Variants in PRKN observed in about 807,000 individuals in gnomAD.
PRKN encodes the protein parkin RBR E3 ubiquitin protein ligase.
A neutral mutation model predicts 59.5 loss-of-function variants in PRKN; 56 were observed. That is an observed-to-expected ratio of 0.94 (90% CI 0.76 to 1.18). The LOEUF is 1.18. Ranked by LOEUF, PRKN falls within the 50% of genes most tolerant of loss-of-function variation. The pLI is 0.00. For missense variants in PRKN, 657 were observed against 596.4 expected (o/e 1.10, Z -1.06); for synonymous variants, 250 against 222.1 (o/e 1.13, Z -1.12).
intron 5 of PRKN, among the ~76,000 whole-genome samples, chr6:162,027,306 G>C (rs5002522): frequency 0.16 from 24,940 of 151,902 alleles, 2,105 homozygotes; most frequent in South Asian, 0.26. Context: ...TATTAATCTT[G>C]ACATGTTTCA....
intron 1 of PRKN, among the ~76,000 whole-genome samples, chr6:162,692,570 AC>A (rs66507325): frequency 6.7e-6 from 1 of 150,110 alleles, no homozygotes; most frequent in Non-Finnish European, 1.5e-5. Flanking sequence ...TACAAGACAG[AC>A]CCCCCCCAAC....
intron 4 of PRKN, among the ~76,000 whole-genome samples, chr6:162,144,645 AG>A (rs1259532986): frequency 6.6e-6 from 1 of 152,172 alleles, no homozygotes. Flanking sequence ...ACCACTGCAG[AG>A]GGGGCATAAT....
chr6:162,176,710 A>C (rs2128321498), intron 4 of PRKN, among the ~76,000 whole-genome samples: 1 of 152,266 alleles, frequency 6.6e-6, no homozygotes, highest in South Asian at 2.1e-4. Flanking sequence ...TAAATAAAAA[A>C]CAGCAGACAG....
intron 1 of PRKN, among the ~76,000 whole-genome samples, chr6:162,511,768 C>G (rs1483740167): frequency 6.6e-6 from 1 of 152,074 alleles, no homozygotes; most frequent in Non-Finnish European, 1.5e-5. Context: ...GTCTAACCAG[C>G]CCCCCATGAT....
chr6:161,644,467 G>C (rs898375643), intron 7 of PRKN, among the ~76,000 whole-genome samples: 1 of 152,226 alleles, frequency 6.6e-6, no homozygotes, highest in Non-Finnish European at 1.5e-5. Flanking sequence ...CTCCCTGGAA[G>C]AGGTGGTAGA....
intron 4 of PRKN, among the ~76,000 whole-genome samples, chr6:162,123,168 G>T (rs922574530): frequency 6.6e-6 from 1 of 152,068 alleles, no homozygotes; most frequent in Non-Finnish European, 1.5e-5. Flanking sequence ...GGAGAGAAAT[G>T]GATCTCATTT....
At position 162,612,955 on chromosome 6, in the gene PRKN, A is replaced by C. The variant is rs112865452; in HGVS notation, c.7+114707T>G. ...TAACCCCTTGGAAGTAAAATGTTTA[A>C]AATTTCCACTAACCCTGAAATTTTG... On this transcript the variant is annotated intron_variant, in intron 1 of 11. Transcript: ENST00000366898. Among the ~76,000 whole-genome samples the C allele has an allele frequency of 2.4e-3, 367 of 152,316 alleles. 2 individuals are homozygous for C. The highest frequency in any genetic ancestry group is 3.1e-3 in the Non-Finnish European group (213 of 68,030).
intron 1 of PRKN, among the ~76,000 whole-genome samples, chr6:162,449,748 A>G (rs1247500775): frequency 6.6e-6 from 1 of 152,208 alleles, no homozygotes; most frequent in Non-Finnish European, 1.5e-5. Context: ...CATAGAGGCC[A>G]GGATTTTTGC....
At chr6:162,513,430 C>A (rs1237201460) in intron 1 of PRKN, among the ~76,000 whole-genome samples, 1 of 151,136 alleles carries the variant, frequency 6.6e-6, no homozygotes, top group Non-Finnish European at 1.5e-5. Flanking sequence ...AGTGAGCTAA[C>A]ACCACTGCAC....
chr6:162,248,517 C>T (rs1409043058), intron 3 of PRKN, among the ~76,000 whole-genome samples: 1 of 152,118 alleles, frequency 6.6e-6, no homozygotes, highest in East Asian at 1.9e-4. Context: ...TGTTTCCAGA[C>T]TTCTCAGAAA....
intron 2 of PRKN, among the ~76,000 whole-genome samples, chr6:162,412,141 C>A (rs1478398249): frequency 6.6e-6 from 1 of 152,024 alleles, no homozygotes; most frequent in Non-Finnish European, 1.5e-5. Context: ...AACACCATAG[C>A]ACTGCTACAA....
chr6:161,662,858 C>T (rs1784596356), intron 7 of PRKN, among the ~76,000 whole-genome samples: 2 of 152,110 alleles, frequency 1.3e-5, no homozygotes, highest in Non-Finnish European at 1.5e-5. Context: ...AACATTCATA[C>T]CTAGTGGGAT....
intron 7 of PRKN, chr6:161,783,551 A>T (rs1404039734): frequency 2.1e-6 from 1 of 467,056 alleles, no homozygotes; most frequent in Non-Finnish European, 4.0e-6. Flanking sequence ...CGTCTAAAAT[A>T]AAAAGATACA....
intron 1 of PRKN, among the ~76,000 whole-genome samples, chr6:162,547,024 T>C (rs1779148135): frequency 1.3e-5 from 2 of 152,212 alleles, no homozygotes; most frequent in African/African-American, 4.8e-5. Flanking sequence ...ATTCTACTAT[T>C]GCTTAGAGCT....
At chr6:161,767,529 A>AC (rs1789482127) in intron 7 of PRKN, among the ~76,000 whole-genome samples, 1 of 148,542 alleles carries the variant, frequency 6.7e-6, no homozygotes, top group African/African-American at 2.5e-5. Flanking sequence ...AAAAAAAAAA[A>AC]CAAAAACCAA....
intron 4 of PRKN, among the ~76,000 whole-genome samples, chr6:162,122,393 G>C (rs1210879096): frequency 6.6e-6 from 1 of 152,150 alleles, no homozygotes; most frequent in Non-Finnish European, 1.5e-5. Flanking sequence ...CATTATGCAG[G>C]AGGCAGCAAA....
At chr6:161,836,050 A>G (rs1333387431) in intron 6 of PRKN, among the ~76,000 whole-genome samples, 3 of 152,136 alleles carry the variant, frequency 2.0e-5, no homozygotes, top group Non-Finnish European at 4.4e-5. Context: ...TTCTTTAAAA[A>G]GGGGGTGGCC....
rs568850626 is a variant in PRKN, at chr6:161,705,232, C to T, written c.871+80540G>A. On this transcript the variant is annotated intron_variant, in intron 7 of 11. Coordinates refer to ENST00000366898, the MANE Select transcript of PRKN (RefSeq NM_004562.3). ...TTGAAAATATCATAAGTCAAAAATG[C>T]GTTTAATACACCTAACCCACCGAAC... 4.1e-4 allele frequency among the ~76,000 whole-genome samples: 63 copies of T among 152,274 alleles called. No homozygotes were observed. The South Asian group carries it at 7.7e-3, about 19-fold the overall frequency.
At chr6:161,394,463 G>C (rs974820942) in intron 9 of PRKN, among the ~76,000 whole-genome samples, 1 of 152,152 alleles carries the variant, frequency 6.6e-6, no homozygotes, top group African/African-American at 2.4e-5. Context: ...TGCAGCCCTA[G>C]GCTTATTTTT....
Sources: gnomAD v4.1 joint callset for allele counts (sites outside exome capture counted in the v4.1 genomes callset) on GRCh38, gnomAD v4.1.1 for gene constraint, MANE v1.5 for transcripts, NCBI Gene and HGNC (gene_info 2026-07-23, HGNC 2026-07-21) for gene names.